The following PACSIN2 variants were observed in gnomAD, a reference collection of about 807,000 sequenced individuals.
The protein encoded by PACSIN2 is protein kinase C and casein kinase substrate in neurons 2, also known as protein kinase C and casein kinase substrate in neurons protein 2.
In PACSIN2, 25 loss-of-function variants were observed where a neutral mutation model predicts 63.8. The ratio of observed to expected loss-of-function variants is 0.39; its 90% CI spans 0.29 to 0.55. The LOEUF is 0.55. Among genes scored for constraint, PACSIN2 ranks in the 20% least tolerant of loss-of-function variants. The pLI, the probability that PACSIN2 is intolerant of heterozygous loss-of-function variation, is 0.62. For missense variants in PACSIN2, 518 were observed against 646.9 expected, an observed-to-expected ratio of 0.80 and a Z score of 2.16; for synonymous variants, 255 against 256.2, an observed-to-expected ratio of 1.00 and a Z score of 0.05.
chr22:43,004,889 TCTGA>T (rs1923993364), intron 1 of PACSIN2, among the ~76,000 whole-genome samples: 1 of 152,160 alleles, frequency 6.6e-6, no homozygotes, highest in African/African-American at 2.4e-5. Context: ...CCCCTTTAGC[TCTGA>T]CTCTCTTTCT....
chr22:42,940,711 G>C (rs1933119181), intron 1 of PACSIN2, among the ~76,000 whole-genome samples: 1 of 152,170 alleles, frequency 6.6e-6, no homozygotes, highest in African/African-American at 2.4e-5. Context: ...TTGGGACTTT[G>C]TGTTTAATCC....
At chr22:42,947,940 A>T (rs1476845067) in intron 1 of PACSIN2, among the ~76,000 whole-genome samples, 1 of 152,160 alleles carries the variant, frequency 6.6e-6, no homozygotes, top group Non-Finnish European at 1.5e-5. Context: ...GGGGCACTCC[A>T]TTCTCACAGG....
chr22:42,884,914 C>G (rs1433197447), intron 5 of PACSIN2, among the ~76,000 whole-genome samples: 1 of 152,240 alleles, frequency 6.6e-6, no homozygotes, highest in African/African-American at 2.4e-5. Context: ...TCAGATCTGG[C>G]CCACAGCAAA....
chr22:42,874,132 G>A (rs1375116264), intron 10 of PACSIN2, among the ~76,000 whole-genome samples: 1 of 152,008 alleles, frequency 6.6e-6, no homozygotes, highest in Non-Finnish European at 1.5e-5. Context: ...AGCCATTTTG[G>A]TAAACTGCAA....
chr22:42,996,575 A>C (rs1163721220), intron 1 of PACSIN2, among the ~76,000 whole-genome samples: 1 of 149,194 alleles, frequency 6.7e-6, no homozygotes, highest in Admixed American at 6.7e-5. Context: ...GATGGTACAC[A>C]CTTGTAATTT....
intron 1 of PACSIN2, among the ~76,000 whole-genome samples, chr22:42,937,030 T>C (rs1932945407): frequency 6.6e-6 from 1 of 152,174 alleles, no homozygotes; most frequent in Non-Finnish European, 1.5e-5. Flanking sequence ...AACACCTGTA[T>C]ATTGGGTGCC....
At chr22:42,985,775 A>G (rs1171848742) in intron 1 of PACSIN2, among the ~76,000 whole-genome samples, 1 of 152,162 alleles carries the variant, frequency 6.6e-6, no homozygotes, top group Non-Finnish European at 1.5e-5. Flanking sequence ...TGGAAATCTG[A>G]TAAGTCTCCC....
intron 1 of PACSIN2, 109 bp from the exon 2 acceptor site, chr22:42,912,266 G>GC (rs935650413): frequency 2.4e-5 from 13 of 552,058 alleles, no homozygotes; most frequent in East Asian, 9.7e-5. Context: ...TCAGTACAGG[G>GC]CGGTCTATAA....
intron 2 of PACSIN2, among the ~76,000 whole-genome samples, chr22:42,910,230 C>T (rs894480302): frequency 6.6e-6 from 1 of 152,186 alleles, no homozygotes; most frequent in African/African-American, 2.4e-5. Flanking sequence ...CCTGTCTGCA[C>T]CACCACCAAG....
At chr22:42,918,415 T>A (rs1931952493) in intron 1 of PACSIN2, among the ~76,000 whole-genome samples, 1 of 152,318 alleles carries the variant, frequency 6.6e-6, no homozygotes, top group South Asian at 2.1e-4. Flanking sequence ...TCCAAGCAGC[T>A]ACCAGCTACT....
intron 1 of PACSIN2, among the ~76,000 whole-genome samples, chr22:43,007,466 T>A (rs1924167904): frequency 6.6e-6 from 1 of 152,122 alleles, no homozygotes; most frequent in Non-Finnish European, 1.5e-5. Flanking sequence ...TCCGCCCACC[T>A]CAGCTTCCCA....
intron 1 of PACSIN2, among the ~76,000 whole-genome samples, chr22:42,948,495 G>A (rs1313620653): frequency 1.3e-5 from 2 of 152,200 alleles, no homozygotes; most frequent in Admixed American, 1.3e-4. Context: ...CGAGCTGGGT[G>A]TGGTGGCACA....
chr22:42,963,489 G>A (rs575565823), intron 1 of PACSIN2, among the ~76,000 whole-genome samples: 3 of 152,316 alleles, frequency 2.0e-5, no homozygotes, highest in African/African-American at 7.2e-5. Flanking sequence ...CAGCCTAGCA[G>A]GACTCAAAGA....
chr22:42,976,966 T>C (rs532537019), intron 1 of PACSIN2, among the ~76,000 whole-genome samples: 2 of 152,362 alleles, frequency 1.3e-5, no homozygotes, highest in South Asian at 2.1e-4. Flanking sequence ...TATCCTTGCA[T>C]TGCTAGAGTA....
chr22:42,907,012 G>A (rs969815748), intron 2 of PACSIN2, among the ~76,000 whole-genome samples: 5 of 152,158 alleles, frequency 3.3e-5, no homozygotes, highest in Non-Finnish European at 7.4e-5. Context: ...AAGCCCGCCC[G>A]GAGCAGTCAG....
At chr22:42,953,841 T>C (rs1412533221) in intron 1 of PACSIN2, among the ~76,000 whole-genome samples, 1 of 152,200 alleles carries the variant, frequency 6.6e-6, no homozygotes, top group Non-Finnish European at 1.5e-5. Flanking sequence ...GCAAGCGTGA[T>C]TGTGTGATTA....
intron 1 of PACSIN2, among the ~76,000 whole-genome samples, chr22:42,945,304 C>T (rs936603831): frequency 3.9e-5 from 6 of 152,088 alleles, no homozygotes; most frequent in African/African-American, 7.2e-5. Context: ...GTAGTGGCTG[C>T]AGTGTGCCTT....
At chr22:42,890,470 C>A (rs1460226047) in intron 4 of PACSIN2, among the ~76,000 whole-genome samples, 1 of 152,126 alleles carries the variant, frequency 6.6e-6, no homozygotes, top group Non-Finnish European at 1.5e-5. Flanking sequence ...GTAATTCCAG[C>A]ACTTTGGGAG....
At chr22:42,933,904 C>T (rs956752476) in intron 1 of PACSIN2, among the ~76,000 whole-genome samples, 35 of 152,262 alleles carry the variant, frequency 2.3e-4, no homozygotes, top group African/African-American at 7.5e-4. Context: ...AATATTATGG[C>T]GCCATGGTAA....
Sources: allele counts gnomAD v4.1 joint callset (sites outside exome capture counted in the v4.1 genomes callset), GRCh38; gene constraint gnomAD v4.1.1; transcripts MANE v1.5; gene names NCBI Gene and HGNC (gene_info 2026-07-23, HGNC 2026-07-21).